The following MBD5 variants were observed in gnomAD, a reference collection of about 807,000 sequenced individuals.
MBD5 encodes the protein methyl-CpG-binding domain protein 5.
MBD5 carries 13 observed loss-of-function variants against 117.3 expected under a neutral mutation model. The observed-to-expected ratio is 0.11, with a 90% CI of 0.07 to 0.18. The LOEUF (loss-of-function observed/expected upper bound fraction) is 0.18, where lower values mean the gene tolerates loss of function less well. Among genes scored for constraint, MBD5 ranks in the 10% least tolerant of loss-of-function variants. The pLI is 1.00. For missense variants in MBD5, 1,879 were observed against 2,093.8 expected, an observed-to-expected ratio of 0.90 and a Z score of 2.00; for synonymous variants, 727 against 766.4, an observed-to-expected ratio of 0.95 and a Z score of 0.85.
At chr2:148,330,088 T>TACACACACACACACACACACACACACAC (rs377202803) in intron 3 of MBD5, among the ~76,000 whole-genome samples, 12 of 40,412 alleles carry the variant, frequency 3.0e-4, no homozygotes, top group Admixed American at 1.0e-3. Context: ...CCTCCTGCCA[T>TACACACACACACACACACACACACACAC]ACACACACAC....
At chr2:148,310,202 A>G (rs1449451089) in intron 3 of MBD5, among the ~76,000 whole-genome samples, 2 of 152,184 alleles carry the variant, frequency 1.3e-5, no homozygotes, top group Non-Finnish European at 1.5e-5. Flanking sequence ...ATTGTTTGGA[A>G]TAGTTTCAGA....
intron 1 of MBD5, among the ~76,000 whole-genome samples, chr2:148,128,042 G>T (rs1376159326): frequency 6.6e-6 from 1 of 152,158 alleles, no homozygotes; most frequent in African/African-American, 2.4e-5. Flanking sequence ...CTTTTGAGAA[G>T]TGTCTGTTCA....
At chr2:148,257,766 T>C (rs1348178993) in intron 3 of MBD5, among the ~76,000 whole-genome samples, 1 of 152,212 alleles carries the variant, frequency 6.6e-6, no homozygotes, top group African/African-American at 2.4e-5. Context: ...TAAAAGTTCA[T>C]TGTTGCCTGT....
chr2:148,135,509 T>C (rs1223914230), intron 1 of MBD5, among the ~76,000 whole-genome samples: 1 of 152,204 alleles, frequency 6.6e-6, no homozygotes, highest in Non-Finnish European at 1.5e-5. Flanking sequence ...CATTCTTTTG[T>C]ATTGCTTGTG....
chr2:148,155,163 G>T (rs1697838010), intron 1 of MBD5, among the ~76,000 whole-genome samples: 1 of 152,230 alleles, frequency 6.6e-6, no homozygotes, highest in Non-Finnish European at 1.5e-5. Context: ...GGAGAGCCAA[G>T]ATGAGGATAA....
rs540978437 is a variant in MBD5, at chr2:148,115,878, T to C, written c.-924-62822T>C. Among the ~76,000 whole-genome samples the C allele has an allele frequency of 2.6e-5, 4 of 152,286 alleles. 1 individual carries two copies. The South Asian group carries it at 8.3e-4, about 32-fold the overall frequency. The stretch of plus-strand genomic sequence containing the variant: ...TCATTCATTTGAGACAGGGTCTTAC[T>C]GTCACCTAGGCTGGAGTGCAATGGC... On this transcript the variant is annotated intron_variant, in intron 1 of 13. Transcript: ENST00000642680.
intron 4 of MBD5, among the ~76,000 whole-genome samples, chr2:148,382,842 C>T (rs971805795): frequency 6.6e-6 from 1 of 151,944 alleles, no homozygotes; most frequent in Non-Finnish European, 1.5e-5. Context: ...GAACAACCTG[C>T]TCCTGAATGA....
At chr2:148,160,050 C>G (rs1015495173) in intron 1 of MBD5, among the ~76,000 whole-genome samples, 2 of 152,190 alleles carry the variant, frequency 1.3e-5, no homozygotes, top group African/African-American at 2.4e-5. Context: ...GGCTGCACAT[C>G]AGAAACACCT....
At position 148,425,401 on chromosome 2, in the gene MBD5, AC is replaced by A. The variant is rs371855686; in HGVS notation, c.-556-32800del. Reference sequence around the variant, plus strand: ...AAATTGAGGCAGTAATTAATAGCCTACCAACCAAAAAAAGTCCAGGACTAGA... The same window carrying A: ...AAATTGAGGCAGTAATTAATAGCCTACAACCAAAAAAAGTCCAGGACTAGA... On this transcript the variant is annotated intron_variant, in intron 4 of 13. Transcript: ENST00000642680. 5.3e-5 allele frequency among the ~76,000 whole-genome samples: 8 copies of A among 152,350 alleles called. No homozygotes were observed. In the East Asian group the frequency reaches 1.3e-3, roughly 26 times the overall value.
intron 3 of MBD5, among the ~76,000 whole-genome samples, chr2:148,236,679 CT>C (rs1184299906): frequency 6.6e-6 from 1 of 152,116 alleles, no homozygotes; most frequent in Non-Finnish European, 1.5e-5. Flanking sequence ...CTTAAGGGCC[CT>C]GGGATTATTT....
At chr2:148,209,950 T>A (rs1699379158) in intron 2 of MBD5, among the ~76,000 whole-genome samples, 1 of 152,152 alleles carries the variant, frequency 6.6e-6, no homozygotes, top group Non-Finnish European at 1.5e-5. Context: ...CAGTGAAGAT[T>A]ACATTTCAAC....
intron 1 of MBD5, among the ~76,000 whole-genome samples, chr2:148,023,603 C>T (rs1693824902): frequency 6.6e-6 from 1 of 152,014 alleles, no homozygotes; most frequent in South Asian, 2.1e-4. Context: ...TTGTTCTCAC[C>T]TTAAAACCTC....
chr2:148,281,198 T>C (rs76180590), intron 3 of MBD5, among the ~76,000 whole-genome samples: 17,817 of 152,244 alleles, frequency 0.12, 1,386 homozygotes, highest in Non-Finnish European at 0.18. Flanking sequence ...CTACATTCTA[T>C]TTCTAAAATT....
rs565179972 is a variant in MBD5 at position 148,336,528 on chromosome 2, C to T, written c.-679-5686C>T. On this transcript the variant is annotated intron_variant, in intron 3 of 13. Transcript: ENST00000642680. ...CAGCCTCCCTTGTAGCTGGGACTAC[C>T]AGCATGCACCACCACACGCGGCAAA... 9.3e-4 allele frequency among the ~76,000 whole-genome samples: 141 copies of T among 152,118 alleles called. 1 individual carries two copies. The South Asian group carries it at 0.018, about 19-fold the overall frequency.
intron 3 of MBD5, among the ~76,000 whole-genome samples, chr2:148,279,344 C>T (rs142463027): frequency 3.3e-4 from 50 of 152,274 alleles, no homozygotes; most frequent in African/African-American, 1.2e-3. Context: ...TCGGCAGGAT[C>T]GTTTAAGCAC....
intron 8 of MBD5, among the ~76,000 whole-genome samples, chr2:148,479,720 GTT>G (rs34758495): frequency 1.1e-4 from 15 of 142,352 alleles, no homozygotes; most frequent in African/African-American, 3.8e-4. Flanking sequence ...TGTCTTTGTT[GTT>G]TTTTTTTTTT....
chr2:148,127,123 G>A (rs1169287188), intron 1 of MBD5, among the ~76,000 whole-genome samples: 1 of 151,404 alleles, frequency 6.6e-6, no homozygotes, highest in African/African-American at 2.4e-5. Context: ...CTACGGGTGC[G>A]TGCCTGGCTA....
chr2:148,141,803 AT>A (rs66795953), intron 1 of MBD5, among the ~76,000 whole-genome samples: 45,880 of 146,944 alleles, frequency 0.31, 8,017 homozygotes, highest in East Asian at 0.47. Flanking sequence ...AAAAAAAAAA[AT>A]GTTTTTAATA....
intron 3 of MBD5, among the ~76,000 whole-genome samples, chr2:148,323,802 C>T (rs1702358760): frequency 6.6e-6 from 1 of 152,098 alleles, no homozygotes; most frequent in African/African-American, 2.4e-5. Context: ...TGCCTGTTCA[C>T]TCTGATGGTA....
Sources: gnomAD v4.1 joint callset for allele counts (sites outside exome capture counted in the v4.1 genomes callset) on GRCh38, gnomAD v4.1.1 for gene constraint, MANE v1.5 for transcripts, NCBI Gene and HGNC (gene_info 2026-07-23, HGNC 2026-07-21) for gene names.